Variants in CFAP74 observed in about 807,000 individuals in gnomAD.
CFAP74 encodes cilia and flagella associated protein 74.
Under a neutral mutation model 188.9 loss-of-function variants are expected in CFAP74, and 124 were observed. The ratio of observed to expected loss-of-function variants is 0.66; its 90% CI spans 0.57 to 0.76. The LOEUF (loss-of-function observed/expected upper bound fraction) is 0.76, where lower values mean the gene tolerates loss of function less well. Among genes scored for constraint, CFAP74 ranks in the 30% least tolerant of loss-of-function variants. The pLI, the probability that CFAP74 is intolerant of heterozygous loss-of-function variation, is 0.00. For missense variants in CFAP74, 2,198 were observed against 2,165.2 expected (o/e 1.02, Z -0.30); for synonymous variants, 956 against 916.7 (o/e 1.04, Z -0.77).
chr1:1,957,562 C>T (rs1032013274), intron 16 of CFAP74, among the ~76,000 whole-genome samples: 4 of 152,074 alleles, frequency 2.6e-5, no homozygotes, highest in South Asian at 4.2e-4. Flanking sequence ...TCAGGGGAGC[C>T]GAGGGTCTCG....
chr1:1,938,875 G>C lies in CFAP74; in HGVS notation c.2991C>G (p.Thr997=). 2 of 1,536,172 alleles carry C rather than the reference G, an allele frequency of 1.3e-6. No individual in the cohort carries two copies. Among genetic ancestry groups the C allele is most frequent in the Non-Finnish European group, 1.7e-6 (2 of 1,146,914 alleles). ...TKAEEHRFQL[T]CKSEINRCFK... Reference sequence around the variant, plus strand: ...CTCACCGGTTGATCTCAGACTTGCAGGTCAGTTGGAATCTGTGTTCCTCGG... The same window carrying C: ...CTCACCGGTTGATCTCAGACTTGCACGTCAGTTGGAATCTGTGTTCCTCGG... The change falls in exon 25 of 39, where the codon ACC becomes ACG. Residue 997 remains threonine (T), a synonymous_variant. Transcript: ENST00000682832.
Position 1,955,698 on chromosome 1 carries a change from C to T in CFAP74, c.2169G>A (p.Gln723=). 6.2e-7 allele frequency: 1 copy of T among 1,608,476 alleles called. No homozygotes were observed. Among genetic ancestry groups the T allele is most frequent in the Non-Finnish European group, 8.5e-7 (1 of 1,176,660 alleles). The change falls in exon 18 of 39, where the codon CAG becomes CAA. Residue 723 remains glutamine, a synonymous_variant. Coordinates refer to ENST00000682832, the MANE Select transcript of CFAP74 (RefSeq NM_001304360.2). The stretch of plus-strand genomic sequence containing the variant: ...CCTGGCAGCCTGGCTCACCTGCGGG[C>T]TGCTCCTCCTCCTGCTCCTTGTCCA... ...EKLDKEQEEE[Q]PAEPERLTTV...
chr1:1,979,188 GTC>G (rs1395408382), intron 6 of CFAP74, among the ~76,000 whole-genome samples: 7 of 87,074 alleles, frequency 8.0e-5, no homozygotes, highest in South Asian at 4.5e-4. Context: ...GAACACGTGT[GTC>G]GTGCTGAGCT....
chr1:2,001,561 C>T (rs1460564716), intron 1 of CFAP74, among the ~76,000 whole-genome samples: 2 of 152,144 alleles, frequency 1.3e-5, no homozygotes, highest in East Asian at 1.9e-4. Context: ...CTACTGACCT[C>T]GTGATCCGCC....
At chr1:1,947,597 G>A (rs1018428967) in intron 18 of CFAP74, among the ~76,000 whole-genome samples, 2 of 152,242 alleles carry the variant, frequency 1.3e-5, no homozygotes, top group African/African-American at 4.8e-5. Flanking sequence ...AGTCTGAGCA[G>A]GACTTTTTGT....
At position 1,942,482 on chromosome 1, in the gene CFAP74, G is replaced by A. The variant is rs1320148486; in HGVS notation, c.2487-326C>T. 6.6e-6 allele frequency among the ~76,000 whole-genome samples: 1 copy of A among 152,092 alleles called. No homozygotes were observed. ...AGGCAGCCCCTGGGTGCGGGGCCCT[G>A]GAGGGGACATGAGGGGTGGAACCCC... On this transcript the variant is annotated intron_variant, in intron 21 of 38. Transcript: ENST00000682832. This position sits in a 1 kb window ranked among gnomAD's most constrained non-coding sequence, Gnocchi z 4.3.
Position 1,966,016 on chromosome 1 carries a change from A to G in CFAP74, c.1401+355T>C, listed in dbSNP as rs545857283. Among the ~76,000 whole-genome samples, 79 of 152,372 alleles carry G rather than the reference A, an allele frequency of 5.2e-4. 1 individual carries two copies. The highest frequency in any genetic ancestry group is 1.9e-3 in the African/African-American group (77 of 41,600). Reference sequence around the variant, plus strand: ...AGAAAGTTTGCACGCTTCTTCTAGAAAGATGCTTCTCCAATAGTACACGGA... The same window carrying G: ...AGAAAGTTTGCACGCTTCTTCTAGAGAGATGCTTCTCCAATAGTACACGGA... On this transcript the variant is annotated intron_variant, in intron 12 of 38. Coordinates refer to ENST00000682832, the MANE Select transcript of CFAP74 (RefSeq NM_001304360.2).
In CFAP74 at chr1:1,923,792, C is replaced by G. The variant is rs138896684; in HGVS notation, c.4372G>C (p.Val1458Leu). ...AGCCGCACCTTTTCAAAGAGCACCACCTGGAGCTTGTCGGAGAAGTAGAGG... is the reference window on the plus strand; with the variant it reads ...AGCCGCACCTTTTCAAAGAGCACCAGCTGGAGCTTGTCGGAGAAGTAGAGG... ...ESLYFSDKLQVVLFEKKISHQ... is the reference protein window; with the variant it reads ...ESLYFSDKLQLVLFEKKISHQ... The change falls in exon 35 of 39, where the codon GTG (valine) becomes CTG (leucine). Residue 1458 changes from valine (V) to leucine (L), a missense_variant. By Grantham distance (32) the Val-to-Leu change is conservative. Transcript: ENST00000682832. This position sits in a 1 kb window ranked among gnomAD's most constrained non-coding sequence, Gnocchi z 6.3. The G allele has an allele frequency of 1.4e-4, 223 of 1,613,430 alleles. No homozygotes were observed. The highest frequency in any genetic ancestry group is 1.8e-4 in the Non-Finnish European group (218 of 1,179,858).
chr1:1,940,181 G>A lies in CFAP74; in HGVS notation c.2703+135C>T, dbSNP rs998520767. 79 of 709,862 alleles carry A rather than the reference G, an allele frequency of 1.1e-4. No individual in the cohort carries two copies. The African/African-American group carries it at 1.1e-3, about 10-fold the overall frequency. The allele number at this position is 709,862 out of a possible 1,614,324, so 44.0% of individuals were successfully genotyped here. On this transcript the variant is annotated intron_variant, in intron 23 of 38. Coordinates refer to ENST00000682832, the MANE Select transcript of CFAP74 (RefSeq NM_001304360.2). ...TCCCAGCAGGCAAGCCCCTCTGGCC[G>A]CTAGACGCCTCCTGGAAGGCAAGTG... is the stretch of plus-strand genomic sequence containing the variant.
rs746413046 is a variant in CFAP74 at position 1,971,996 on chromosome 1, C to A, written c.872G>T (p.Ser291Ile). 3 of 1,610,870 alleles carry A rather than the reference C, an allele frequency of 1.9e-6. No individual in the cohort carries two copies. The highest frequency in any genetic ancestry group is 1.7e-6 in the Non-Finnish European group (2 of 1,179,770). Reference sequence around the variant, plus strand: ...GGGGCCTACCCGGTTCGCGGAGATGCTGCCCTTCAGCGCCACCACCGCATC... The same window carrying A: ...GGGGCCTACCCGGTTCGCGGAGATGATGCCCTTCAGCGCCACCACCGCATC... Reference protein sequence around the residue: ...RMDAVVALKGSISANRDTLRK... With the variant: ...RMDAVVALKGIISANRDTLRK... The change falls in exon 9 of 39, where the codon AGC (serine) becomes ATC (isoleucine). Residue 291 changes from serine to isoleucine, a missense_variant. Transcript: ENST00000682832.
Position 1,966,542 on chromosome 1 carries a change from G to C in CFAP74, c.1246-16C>G. The stretch of plus-strand genomic sequence containing the variant: ...CCTCGTAGTCCTGCAGTCGGGGAGA[G>C]GAACATCGCAAAGACACGCTCATGA... On this transcript the variant is annotated splice_polypyrimidine_tract_variant and intron_variant, in intron 11 of 38. Coordinates refer to ENST00000682832, the MANE Select transcript of CFAP74 (RefSeq NM_001304360.2). 2 of 1,515,818 alleles carry C rather than the reference G, an allele frequency of 1.3e-6. No individual in the cohort carries two copies. Among genetic ancestry groups the C allele is most frequent in the Non-Finnish European group, 1.8e-6 (2 of 1,127,604 alleles). The allele number at this position is 1,515,818 out of a possible 1,614,324, so 93.9% of individuals were successfully genotyped here. A position where few individuals can be genotyped will look rare whatever the true frequency, so the allele number is the denominator to read the frequency against.
chr1:1,947,545 G>A (rs1328831177), intron 18 of CFAP74, among the ~76,000 whole-genome samples: 1 of 152,238 alleles, frequency 6.6e-6, no homozygotes, highest in African/African-American at 2.4e-5. Context: ...GCCGGCAGCT[G>A]GTCAGCAGCA....
At chr1:1,998,793 C>A (rs971576214) in intron 1 of CFAP74, among the ~76,000 whole-genome samples, 1 of 152,204 alleles carries the variant, frequency 6.6e-6, no homozygotes, top group Non-Finnish European at 1.5e-5. Flanking sequence ...AGGAGAATGG[C>A]GTGAAGCCAG....
chr1:1,953,452 C>A (rs1316142437), intron 18 of CFAP74: 1 of 152,166 alleles, frequency 6.6e-6, no homozygotes. Context: ...CCCGCCACCA[C>A]GCCTGGCTAA....
At chr1:1,979,251 G>A (rs1474922436) in intron 6 of CFAP74, among the ~76,000 whole-genome samples, 7 of 95,736 alleles carry the variant, frequency 7.3e-5, no homozygotes, top group East Asian at 3.6e-4. Context: ...CGTGTGTCGT[G>A]CTGAGCTGGG....
At position 1,974,179 on chromosome 1, in the gene CFAP74, C is replaced by A; in HGVS notation, c.520G>T (p.Glu174Ter). ...GCCTCGAGTCGCCCCTCCTGGATCT[C>A]GATGTGCCACATGGTGTTCCTTCAA... ...KESENTMWHI[E>*]IQEGRLEAFR... Residue 174 changes from glutamate (E) to a stop codon, truncating the protein, a stop_gained, in exon 7 of 39, where the codon GAG becomes TAG. Coordinates refer to ENST00000682832, the MANE Select transcript of CFAP74 (RefSeq NM_001304360.2). LOFTEE classifies it high-confidence loss of function. 6.2e-7 allele frequency: 1 copy of A among 1,606,824 alleles called. No homozygotes were observed. The highest frequency in any genetic ancestry group is 1.1e-5 in the South Asian group (1 of 90,334).
At chr1:1,966,298 C>G in intron 12 of CFAP74, 73 bp downstream of exon 12, 4 of 1,362,188 alleles carry the variant, frequency 2.9e-6, no homozygotes, top group Non-Finnish European at 3.9e-6. Flanking sequence ...CCGGGGCAGG[C>G]GTGGGAGGTG....
At chr1:1,950,622 G>T (rs551252803) in intron 18 of CFAP74, among the ~76,000 whole-genome samples, 4 of 152,234 alleles carry the variant, frequency 2.6e-5, no homozygotes, top group African/African-American at 9.6e-5. Context: ...TTACAGGTGT[G>T]AGCCACCGCG....
At chr1:2,000,351 A>G (rs1331949519) in intron 1 of CFAP74, among the ~76,000 whole-genome samples, 1 of 152,206 alleles carries the variant, frequency 6.6e-6, no homozygotes, top group Admixed American at 6.5e-5. Flanking sequence ...TAACACGCGC[A>G]TGGGTTCGGA....
Sources: allele counts gnomAD v4.1 joint callset (sites outside exome capture counted in the v4.1 genomes callset), GRCh38; gene constraint gnomAD v4.1.1; non-coding constraint Gnocchi (gnomAD v3.1); transcripts MANE v1.5; gene names NCBI Gene and HGNC (gene_info 2026-07-23, HGNC 2026-07-21).